The following CELSR1 variants were observed in gnomAD, a reference collection of about 807,000 sequenced individuals.
CELSR1 encodes cadherin EGF LAG seven-pass G-type receptor 1.
CELSR1 carries 110 observed loss-of-function variants against 249.1 expected under a neutral mutation model. That is an observed-to-expected ratio of 0.44 (90% CI 0.38 to 0.52). CELSR1 has a LOEUF of 0.52. Among genes scored for constraint, CELSR1 ranks in the 20% least tolerant of loss-of-function variants. CELSR1 has a pLI of 0.00. For missense variants in CELSR1, 4,109 were observed against 4,296.4 expected, an observed-to-expected ratio of 0.96 and a Z score of 1.22; for synonymous variants, 2,113 against 1,900.0, an observed-to-expected ratio of 1.11 and a Z score of -2.92.
At chr22:46,524,876 C>T (rs944401964) in intron 1 of CELSR1, among the ~76,000 whole-genome samples, 2 of 152,170 alleles carry the variant, frequency 1.3e-5, no homozygotes, top group Non-Finnish European at 2.9e-5. Flanking sequence ...CGTGCTTCTG[C>T]GCAGCTCCCC....
intron 3 of CELSR1, among the ~76,000 whole-genome samples, chr22:46,438,254 C>T (rs761120302): frequency 1.1e-4 from 16 of 152,238 alleles, no homozygotes; most frequent in South Asian, 2.1e-4. Flanking sequence ...CAGCTGGGAA[C>T]GGAGCCCGGA....
chr22:46,478,634 C>T (rs2080234750), intron 1 of CELSR1, among the ~76,000 whole-genome samples: 2 of 151,926 alleles, frequency 1.3e-5, no homozygotes, highest in Non-Finnish European at 2.9e-5. Flanking sequence ...CCTCTGCCTC[C>T]CGGGTTCAAG....
At chr22:46,492,463 C>T (rs940984075) in intron 1 of CELSR1, among the ~76,000 whole-genome samples, 6 of 152,006 alleles carry the variant, frequency 3.9e-5, no homozygotes, top group Non-Finnish European at 7.3e-5. Context: ...TAAAAATGCA[C>T]CCCTTTGTTT....
rs1431288332 is a variant in CELSR1, at chr22:46,473,236, C to T, written c.3545-8891G>A. On this transcript the variant is annotated intron_variant, in intron 1 of 34. Coordinates refer to ENST00000674500, the MANE Select transcript of CELSR1 (RefSeq NM_001378328.1). This position sits in a 1 kb window ranked among gnomAD's most constrained non-coding sequence, Gnocchi z 6.6. ...GTGAGGACACCAAGGCACAAAGAAG[C>T]TGAATGTGCCTGGTAAGGTGACTCG... 1.3e-5 allele frequency among the ~76,000 whole-genome samples: 2 copies of T among 152,158 alleles called. No homozygotes were observed. The highest frequency in any genetic ancestry group is 4.8e-5 in the African/African-American group (2 of 41,428).
chr22:46,415,237 C>A (rs906209680), intron 5 of CELSR1, among the ~76,000 whole-genome samples: 1 of 152,162 alleles, frequency 6.6e-6, no homozygotes, highest in African/African-American at 2.4e-5. Flanking sequence ...GCAACCTCCG[C>A]CTCCCAGGTT....
chr22:46,528,283 A>C (rs1179762537), intron 1 of CELSR1, among the ~76,000 whole-genome samples: 1 of 152,164 alleles, frequency 6.6e-6, no homozygotes, highest in Middle Eastern at 3.2e-3. Context: ...AAGCTTTATC[A>C]AGCCTAGACG....
At chr22:46,474,088 G>C (rs1267978660) in intron 1 of CELSR1, among the ~76,000 whole-genome samples, 4 of 152,190 alleles carry the variant, frequency 2.6e-5, no homozygotes, top group Non-Finnish European at 5.9e-5. Context: ...TCTCCAGCAA[G>C]CCGGACTGTA....
chr22:46,509,671 C>T (rs750092307), intron 1 of CELSR1, among the ~76,000 whole-genome samples: 3 of 152,180 alleles, frequency 2.0e-5, no homozygotes, highest in Non-Finnish European at 2.9e-5. Context: ...GGAGACCCTG[C>T]TGTCAGCTCA....
At chr22:46,420,988 AC>A (rs201134552) in intron 5 of CELSR1, among the ~76,000 whole-genome samples, 196 of 152,268 alleles carry the variant, frequency 1.3e-3, no homozygotes, top group Admixed American at 0.011. Context: ...AGCAGCGGAT[AC>A]ACGGGTGGGT....
chr22:46,439,280 A>G lies in CELSR1; in HGVS notation c.4315T>C (p.Tyr1439His). 6.2e-7 allele frequency: 1 copy of G among 1,614,032 alleles called. No homozygotes were observed. Among genetic ancestry groups the G allele is most frequent in the Non-Finnish European group, 8.5e-7 (1 of 1,179,994 alleles). Residue 1439 changes from tyrosine to histidine, a missense_variant, in exon 3 of 35, where the codon TAC (tyrosine) becomes CAC (histidine). Physicochemically the swap from Tyr to His is moderately conservative, Grantham distance 83. Transcript: ENST00000674500. ...VCPPGEYERP[Y>H]CEVTTRSFPP... ...AAGCTCCTGGTGGTCACCTCACAGT[A>G]GGGCCTCTCATACTCGCCAGGAGGA...
chr22:46,454,494 G>C lies in CELSR1; in HGVS notation c.4183+9213C>G, dbSNP rs1464176253. Among the ~76,000 whole-genome samples the C allele has an allele frequency of 3.3e-5, 5 of 152,222 alleles. No individual in the cohort carries two copies. Among genetic ancestry groups the C allele is most frequent in the Admixed American group, 3.3e-4 (5 of 15,286 alleles). ...AGCCTTGTCTCCCCTCAACAGCACA[G>C]ACTTCGAAGTCACGGGGAACGGCGT... On this transcript the variant is annotated intron_variant, in intron 2 of 34. Transcript: ENST00000674500. The surrounding 1 kb of genome is among the most constrained non-coding windows in gnomAD (Gnocchi z 5.1).
chr22:46,371,337 G>T (rs1175943121), intron 25 of CELSR1, among the ~76,000 whole-genome samples: 2 of 152,088 alleles, frequency 1.3e-5, no homozygotes, highest in Non-Finnish European at 2.9e-5. Context: ...TGCCCTGGGA[G>T]CAACACCCCC....
intron 1 of CELSR1, among the ~76,000 whole-genome samples, chr22:46,507,109 C>A (rs1056721212): frequency 1.3e-5 from 2 of 152,174 alleles, no homozygotes; most frequent in African/African-American, 4.8e-5. Flanking sequence ...TCGCTTGAAC[C>A]AGGGAGGCGG....
rs943788600 is a variant in CELSR1, at chr22:46,446,103, G to C, written c.4184-6692C>G. Among the ~76,000 whole-genome samples, 1 of 152,094 alleles carries C rather than the reference G, an allele frequency of 6.6e-6. No homozygotes were observed. The highest frequency in any genetic ancestry group is 2.1e-4 in the South Asian group (1 of 4,824). On this transcript the variant is annotated intron_variant, in intron 2 of 34. Transcript: ENST00000674500. The surrounding 1 kb of genome is among the most constrained non-coding windows in gnomAD (Gnocchi z 5.5). ...AAAGACCCCAGCCTAAGGGGTCCCA[G>C]GGCCCAGCCCCCAGCCACACACCCA...
chr22:46,466,008 G>A (rs2080092485), intron 1 of CELSR1, among the ~76,000 whole-genome samples: 1 of 152,178 alleles, frequency 6.6e-6, no homozygotes, highest in Non-Finnish European at 1.5e-5. Flanking sequence ...CCTCGGTGTG[G>A]GGAGGGCGCC....
At position 46,381,864 on chromosome 22, in the gene CELSR1, G is replaced by A. The variant is rs2078980864; in HGVS notation, c.7070C>T (p.Pro2357Leu). The change falls in exon 21 of 35, where the codon CCC (proline) becomes CTC (leucine). Residue 2357 changes from proline to leucine, a missense_variant. This residue lies in a region of CELSR1 where 1,805 missense variants were observed against 1,831.6 expected (regional missense o/e 0.99). Transcript: ENST00000674500. The surrounding 1 kb of genome is among the most constrained non-coding windows in gnomAD (Gnocchi z 6.0). Reference protein sequence around the residue: ...LGQLLPERYDPDRRSLRLPHR... With the variant: ...LGQLLPERYDLDRRSLRLPHR... ...GCCTTACCGGAGGCTGCGACGGTCGGGGTCGTAGCGCTCGGGCAGGAGCTG... is the reference window on the plus strand; with the variant it reads ...GCCTTACCGGAGGCTGCGACGGTCGAGGTCGTAGCGCTCGGGCAGGAGCTG... 3 of 1,563,676 alleles carry A rather than the reference G, an allele frequency of 1.9e-6. No homozygotes were observed. In the South Asian group the frequency reaches 3.5e-5, roughly 18 times the overall value.
rs2079619180 is a variant in CELSR1 at position 46,433,408 on chromosome 22, C to T, written c.4596G>A (p.Val1532=). Reference sequence around the variant, plus strand: ...CCCATCTTACCTTGTTGTAGTACTGCACCTGCACAGAGTGCCACCGCCCGT... The same window carrying T: ...CCCATCTTACCTTGTTGTAGTACTGTACCTGCACAGAGTGCCACCGCCCGT... The part of the protein sequence containing the change: ...VSDGRWHSVQ[V]QYYNKPNIGH... Residue 1532 remains valine (V), a synonymous_variant, in exon 5 of 35, where the codon GTG becomes GTA. Coordinates refer to ENST00000674500, the MANE Select transcript of CELSR1 (RefSeq NM_001378328.1). This position sits in a 1 kb window ranked among gnomAD's most constrained non-coding sequence, Gnocchi z 5.7. 6.2e-7 allele frequency: 1 copy of T among 1,613,800 alleles called. No homozygotes were observed. Among genetic ancestry groups the T allele is most frequent in the South Asian group, 1.1e-5 (1 of 91,074 alleles).
At chr22:46,505,188 G>A (rs1398862116) in intron 1 of CELSR1, among the ~76,000 whole-genome samples, 2 of 142,738 alleles carry the variant, frequency 1.4e-5, no homozygotes, top group East Asian at 2.2e-4. Flanking sequence ...CGTGAACCCG[G>A]GAGGCAGAGC....
chr22:46,390,809 C>T lies in CELSR1; in HGVS notation c.6251-323G>A, dbSNP rs1230246380. On this transcript the variant is annotated intron_variant, in intron 16 of 34. Coordinates refer to ENST00000674500, the MANE Select transcript of CELSR1 (RefSeq NM_001378328.1). The surrounding 1 kb of genome is among the most constrained non-coding windows in gnomAD (Gnocchi z 6.3). ...CACCAGGAATCCATTTCGGCTGGGC[C>T]TTTCCTTGCCTCACTGGATTTTCCA... Among the ~76,000 whole-genome samples the T allele has an allele frequency of 1.3e-5, 2 of 152,236 alleles. No individual in the cohort carries two copies. Among genetic ancestry groups the T allele is most frequent in the Non-Finnish European group, 2.9e-5 (2 of 68,046 alleles).
Sources: allele counts gnomAD v4.1 joint callset (sites outside exome capture counted in the v4.1 genomes callset), GRCh38; gene constraint gnomAD v4.1.1; regional missense constraint gnomAD v4.1.1; non-coding constraint Gnocchi (gnomAD v3.1); transcripts MANE v1.5; gene names NCBI Gene and HGNC (gene_info 2026-07-23, HGNC 2026-07-21).